Variants in OOSP3 observed in about 807,000 individuals in gnomAD.
The protein encoded by OOSP3 is oocyte-secreted protein 3.
intron 2 of OOSP3, among the ~76,000 whole-genome samples, chr11:59,890,538 C>T (rs1853301398): frequency 6.6e-6 from 1 of 152,072 alleles, no homozygotes; most frequent in Non-Finnish European, 1.5e-5. Flanking sequence ...TCTTATGAAG[C>T]TTTGTTTGGC....
intron 2 of OOSP3, among the ~76,000 whole-genome samples, chr11:59,886,467 T>G (rs1264540277): frequency 6.6e-6 from 1 of 152,238 alleles, no homozygotes; most frequent in African/African-American, 2.4e-5. Flanking sequence ...TACATTCTTT[T>G]GAGTATATAC....
At chr11:59,885,250 T>C (rs1853243291) in intron 2 of OOSP3, among the ~76,000 whole-genome samples, 1 of 152,204 alleles carries the variant, frequency 6.6e-6, no homozygotes, top group Non-Finnish European at 1.5e-5. Flanking sequence ...CCTTTTTAGA[T>C]GTTGCTGGAT....
At chr11:59,883,143 G>C (rs563922555) in intron 2 of OOSP3, among the ~76,000 whole-genome samples, 1 of 152,206 alleles carries the variant, frequency 6.6e-6, no homozygotes, top group African/African-American at 2.4e-5. Flanking sequence ...TTTTTCTAAA[G>C]ATGGTGAGTC....
At chr11:59,883,984 T>A (rs1343768850) in intron 2 of OOSP3, among the ~76,000 whole-genome samples, 1 of 152,224 alleles carries the variant, frequency 6.6e-6, no homozygotes, top group Non-Finnish European at 1.5e-5. Context: ...TAATGGGTTT[T>A]CTAGAAAGGT....
At chr11:59,893,294 C>T (rs1853328360) in intron 2 of OOSP3, among the ~76,000 whole-genome samples, 1 of 152,020 alleles carries the variant, frequency 6.6e-6, no homozygotes, top group Non-Finnish European at 1.5e-5. Flanking sequence ...AAAAACATAC[C>T]TAAATGTAAT....
Sources: gnomAD v4.1 joint callset for allele counts (sites outside exome capture counted in the v4.1 genomes callset) on GRCh38, gnomAD v4.1.1 for gene constraint, MANE v1.5 for transcripts, NCBI Gene and HGNC (gene_info 2026-07-23, HGNC 2026-07-21) for gene names.